The following VPS13B variants were observed in gnomAD, a reference collection of about 807,000 sequenced individuals.
VPS13B encodes the protein vacuolar protein sorting 13 homolog B, also known as intermembrane lipid transfer protein VPS13B.
VPS13B carries 285 observed loss-of-function variants against 426.4 expected under a neutral mutation model. The ratio of observed to expected loss-of-function variants is 0.67; its 90% CI spans 0.61 to 0.74. VPS13B has a LOEUF of 0.74. VPS13B is among the 30% of genes least tolerant of loss of function. The pLI is 0.00. For synonymous variants in VPS13B, 1,676 were observed against 1,676.4 expected (o/e 1.00, Z 0.01); for missense variants, 4,537 against 4,782.6 (o/e 0.95, Z 1.51).
At chr8:99,336,605 G>C (rs200295262) in intron 19 of VPS13B, among the ~76,000 whole-genome samples, 20 of 152,198 alleles carry the variant, frequency 1.3e-4, no homozygotes, top group Admixed American at 3.3e-4. Flanking sequence ...ATTTTCGCAA[G>C]CTACTCATCT....
chr8:99,495,530 T>A (rs1315814956), intron 25 of VPS13B, among the ~76,000 whole-genome samples: 1 of 152,216 alleles, frequency 6.6e-6, no homozygotes, highest in African/African-American at 2.4e-5. Flanking sequence ...CAATGGAACT[T>A]CTTCTATGAA....
intron 17 of VPS13B, among the ~76,000 whole-genome samples, chr8:99,213,294 A>T (rs571484524): frequency 1.3e-5 from 2 of 152,248 alleles, no homozygotes; most frequent in South Asian, 4.1e-4. Flanking sequence ...TCTAATAAAA[A>T]TTTTATTGCA....
chr8:99,777,810 A>G (rs1235564594), intron 41 of VPS13B, among the ~76,000 whole-genome samples: 1 of 152,216 alleles, frequency 6.6e-6, no homozygotes, highest in African/African-American at 2.4e-5. Flanking sequence ...TAAGCTTACT[A>G]ATGTTATTTG....
rs371627107 is a variant in VPS13B at position 99,364,720 on chromosome 8, A to G, written c.2825-19488A>G. Among the ~76,000 whole-genome samples the G allele has an allele frequency of 7.9e-5, 12 of 152,298 alleles. No individual in the cohort carries two copies. The East Asian group carries it at 9.6e-4, about 12-fold the overall frequency. On this transcript the variant is annotated intron_variant, in intron 19 of 61. Transcript: ENST00000357162. Reference sequence around the variant, plus strand: ...AGTGCTGGGATTACAAGTGAGAGCCACTGCGCCCGTTGTAGTTTTCTTTTT... The same window carrying G: ...AGTGCTGGGATTACAAGTGAGAGCCGCTGCGCCCGTTGTAGTTTTCTTTTT...
intron 44 of VPS13B, 26 bp from the exon 45 acceptor site, chr8:99,817,514 G>A: frequency 6.2e-7 from 1 of 1,613,008 alleles, no homozygotes; most frequent in Non-Finnish European, 8.5e-7. Flanking sequence ...AATTGATGAA[G>A]CCTTATATAC....
intron 19 of VPS13B, among the ~76,000 whole-genome samples, chr8:99,278,806 C>T (rs922863482): frequency 6.6e-6 from 1 of 152,226 alleles, no homozygotes; most frequent in African/African-American, 2.4e-5. Context: ...TTTGAAGTCT[C>T]AGCAATTCCC....
At chr8:99,510,760 C>T (rs1442936177) in intron 28 of VPS13B, among the ~76,000 whole-genome samples, 1 of 152,168 alleles carries the variant, frequency 6.6e-6, no homozygotes, top group Admixed American at 6.5e-5. Context: ...TATCTGCCCA[C>T]CTTAGCCTCC....
At chr8:99,334,923 A>C (rs1262059310) in intron 19 of VPS13B, among the ~76,000 whole-genome samples, 1 of 152,170 alleles carries the variant, frequency 6.6e-6, no homozygotes, top group Non-Finnish European at 1.5e-5. Flanking sequence ...GAATAGTTTC[A>C]GAAGGAATGG....
chr8:99,861,635 T>C, intron 57 of VPS13B, 141 bp from the exon 58 acceptor site: 1 of 1,107,040 alleles, frequency 9.0e-7, no homozygotes, highest in Non-Finnish European at 1.3e-6. Flanking sequence ...TTCTTCAAAT[T>C]GCCTGAGAGG....
chr8:99,165,261 A>G (rs1322461663), intron 15 of VPS13B, among the ~76,000 whole-genome samples: 1 of 152,174 alleles, frequency 6.6e-6, no homozygotes, highest in Non-Finnish European at 1.5e-5. Flanking sequence ...ATGTTGTACA[A>G]TAGATCTTTT....
intron 30 of VPS13B, among the ~76,000 whole-genome samples, chr8:99,545,251 G>T (rs937463104): frequency 6.6e-5 from 10 of 151,984 alleles, no homozygotes; most frequent in Admixed American, 5.2e-4. Flanking sequence ...TAATTTTTCT[G>T]TATCACTTGT....
intron 19 of VPS13B, among the ~76,000 whole-genome samples, chr8:99,366,418 G>T (rs1451771427): frequency 6.6e-6 from 1 of 151,542 alleles, no homozygotes; most frequent in Non-Finnish European, 1.5e-5. Context: ...CACTTTTTTG[G>T]TTTCCATTTG....
intron 8 of VPS13B, among the ~76,000 whole-genome samples, chr8:99,123,122 C>CAAAAAAAAA (rs71273164): frequency 6.5e-5 from 4 of 61,436 alleles, no homozygotes; most frequent in East Asian, 4.7e-4. Context: ...ACTCTGTCTC[C>CAAAAAAAAA]AAAAAAAAAA....
chr8:99,189,604 A>G (rs1337046398), intron 16 of VPS13B, among the ~76,000 whole-genome samples: 1 of 152,022 alleles, frequency 6.6e-6, no homozygotes, highest in Non-Finnish European at 1.5e-5. Flanking sequence ...CTTTAGGAAC[A>G]CTGATTATGT....
intron 3 of VPS13B, among the ~76,000 whole-genome samples, chr8:99,075,709 T>C (rs190032303): frequency 4.5e-4 from 69 of 152,352 alleles, no homozygotes; most frequent in Non-Finnish European, 5.6e-4. Context: ...TTTGTCATTT[T>C]GTAGTATCAG....
intron 31 of VPS13B, among the ~76,000 whole-genome samples, chr8:99,560,888 T>G (rs1370321612): frequency 6.6e-6 from 1 of 152,202 alleles, no homozygotes; most frequent in Non-Finnish European, 1.5e-5. Flanking sequence ...AAATCACAAA[T>G]TCTATCATAA....
chr8:99,183,413 C>G (rs531589001), intron 16 of VPS13B, among the ~76,000 whole-genome samples: 6 of 152,028 alleles, frequency 3.9e-5, no homozygotes, highest in Non-Finnish European at 5.9e-5. Context: ...TTGAAATGCT[C>G]AGATGGAATT....
At chr8:99,701,305 C>G (rs1048202791) in intron 36 of VPS13B, among the ~76,000 whole-genome samples, 1 of 152,166 alleles carries the variant, frequency 6.6e-6, no homozygotes, top group African/African-American at 2.4e-5. Flanking sequence ...TAGGTCTGTT[C>G]CCATGCCTTT....
intron 19 of VPS13B, among the ~76,000 whole-genome samples, chr8:99,312,514 T>C (rs1382149855): frequency 2.0e-5 from 3 of 152,378 alleles, no homozygotes; most frequent in African/African-American, 7.2e-5. Context: ...TCTTCTGGCT[T>C]GTAGAATTTC....
Sources: gnomAD v4.1 joint callset for allele counts (sites outside exome capture counted in the v4.1 genomes callset) on GRCh38, gnomAD v4.1.1 for gene constraint, MANE v1.5 for transcripts, NCBI Gene and HGNC (gene_info 2026-07-23, HGNC 2026-07-21) for gene names.